Variants in RBFOX1 observed in about 807,000 individuals in gnomAD.
RBFOX1 encodes RNA binding fox-1 homolog 1, also known as RNA binding protein fox-1 homolog 1.
In RBFOX1, 8 loss-of-function variants were observed where a neutral mutation model predicts 57.7. That is an observed-to-expected ratio of 0.14 (90% CI 0.08 to 0.25). RBFOX1 has a LOEUF of 0.25. Ranked by LOEUF, RBFOX1 falls within the 10% of genes least tolerant of loss-of-function variation. The pLI is 1.00. For synonymous variants in RBFOX1, 326 were observed against 222.4 expected, an observed-to-expected ratio of 1.47 and a Z score of -4.15; for missense variants, 611 against 548.5, an observed-to-expected ratio of 1.11 and a Z score of -1.14.
At position 6,954,777 on chromosome 16, in the gene RBFOX1, T is replaced by G. The variant is rs989733301; in HGVS notation, c.-15-97280T>G. Among the ~76,000 whole-genome samples, 8 of 152,248 alleles carry G rather than the reference T, an allele frequency of 5.3e-5. No homozygotes were observed. In the South Asian group the frequency reaches 1.0e-3, roughly 20 times the overall value. On this transcript the variant is annotated intron_variant, in intron 3 of 15. Coordinates refer to ENST00000550418, the MANE Select transcript of RBFOX1 (RefSeq NM_018723.4). The stretch of plus-strand genomic sequence containing the variant: ...GAGGATCTTAAATCATCACCTGACT[T>G]GAGCACCCAGTTTGAAGGCAGGTAG...
intron 4 of RBFOX1, among the ~76,000 whole-genome samples, chr16:5,990,491 C>A (rs552675360): frequency 6.6e-6 from 1 of 152,196 alleles, no homozygotes; most frequent in South Asian, 2.1e-4. Context: ...TGACCTATTC[C>A]ATTTCTTTCT....
At chr16:7,083,765 G>A (rs1044286957) in intron 4 of RBFOX1, among the ~76,000 whole-genome samples, 1 of 151,544 alleles carries the variant, frequency 6.6e-6, no homozygotes, top group Non-Finnish European at 1.5e-5. Flanking sequence ...TGCCCAGAAG[G>A]CACCGTGCAT....
intron 4 of RBFOX1, among the ~76,000 whole-genome samples, chr16:7,194,825 G>A (rs1313937174): frequency 2.0e-5 from 3 of 151,966 alleles, no homozygotes; most frequent in East Asian, 1.9e-4. Flanking sequence ...CCACTAGGGA[G>A]GCTGAGGTGG....
At chr16:7,549,737 T>C (rs918738884) in intron 5 of RBFOX1, among the ~76,000 whole-genome samples, 14 of 152,130 alleles carry the variant, frequency 9.2e-5, no homozygotes, top group Non-Finnish European at 2.1e-4. Context: ...CCTGCCTTTA[T>C]TCTGGCCACG....
chr16:6,479,751 C>G (rs2095341552), intron 2 of RBFOX1, among the ~76,000 whole-genome samples: 1 of 151,862 alleles, frequency 6.6e-6, no homozygotes, highest in Non-Finnish European at 1.5e-5. Flanking sequence ...GAAAAAAGTT[C>G]ACCAATCACC....
At chr16:6,833,534 C>T (rs894760123) in intron 3 of RBFOX1, among the ~76,000 whole-genome samples, 5 of 152,134 alleles carry the variant, frequency 3.3e-5, no homozygotes, top group African/African-American at 1.2e-4. Context: ...GGAATGCCAG[C>T]CTGGCCAGCT....
chr16:6,560,547 A>G (rs1456504261), intron 2 of RBFOX1, among the ~76,000 whole-genome samples: 1 of 152,164 alleles, frequency 6.6e-6, no homozygotes, highest in Admixed American at 6.5e-5. Context: ...AGTGGAGCGG[A>G]AAATAGCAGG....
intron 3 of RBFOX1, among the ~76,000 whole-genome samples, chr16:6,656,171 C>T (rs1030235909): frequency 7.2e-5 from 11 of 152,168 alleles, no homozygotes; most frequent in African/African-American, 2.7e-4. Flanking sequence ...AGTCTTCTAC[C>T]AATGTTCTGC....
At chr16:5,915,162 C>G (rs996681790) in intron 4 of RBFOX1, among the ~76,000 whole-genome samples, 1 of 152,168 alleles carries the variant, frequency 6.6e-6, no homozygotes, top group African/African-American at 2.4e-5. Context: ...TTTGTCTCTT[C>G]TAGGTATCTA....
At chr16:5,596,172 G>A (rs1429444270) in intron 2 of RBFOX1, among the ~76,000 whole-genome samples, 1 of 152,148 alleles carries the variant, frequency 6.6e-6, no homozygotes, top group African/African-American at 2.4e-5. Flanking sequence ...CTCTGCAGGG[G>A]CAGCTGGATA....
intron 1 of RBFOX1, among the ~76,000 whole-genome samples, chr16:5,303,577 A>C (rs2063857852): frequency 6.6e-6 from 1 of 152,098 alleles, no homozygotes; most frequent in Admixed American, 6.5e-5. Flanking sequence ...AACTTCAGAC[A>C]TGCTTCTGAT....
intron 4 of RBFOX1, among the ~76,000 whole-genome samples, chr16:7,247,574 C>G (rs2094351752): frequency 1.3e-5 from 2 of 152,140 alleles, no homozygotes; most frequent in Admixed American, 1.3e-4. Flanking sequence ...TTTATGTTAA[C>G]AAAAGCTAAA....
chr16:6,408,205 C>T (rs141189883), intron 2 of RBFOX1, among the ~76,000 whole-genome samples: 2,061 of 152,164 alleles, frequency 0.014, 43 homozygotes, highest in African/African-American at 0.045. Context: ...ATTTTGTTAT[C>T]ACAGCTCAGG....
chr16:5,910,781 T>A (rs967521097), intron 4 of RBFOX1, among the ~76,000 whole-genome samples: 7 of 152,176 alleles, frequency 4.6e-5, no homozygotes, highest in Non-Finnish European at 8.8e-5. Flanking sequence ...TTGTTTGTTT[T>A]TGCCCATCTG....
chr16:6,920,668 C>G (rs1044905509), intron 3 of RBFOX1, among the ~76,000 whole-genome samples: 2 of 152,138 alleles, frequency 1.3e-5, no homozygotes, highest in South Asian at 4.1e-4. Flanking sequence ...TACCTCTTCC[C>G]TAGTTTCTTT....
intron 3 of RBFOX1, among the ~76,000 whole-genome samples, chr16:6,809,195 C>A (rs1204320851): frequency 6.6e-6 from 1 of 152,170 alleles, no homozygotes; most frequent in African/African-American, 2.4e-5. Flanking sequence ...TATGAATTTT[C>A]TTTCACCACC....
chr16:7,008,175 G>T (rs2093411643), intron 3 of RBFOX1, among the ~76,000 whole-genome samples: 1 of 152,152 alleles, frequency 6.6e-6, no homozygotes, highest in Non-Finnish European at 1.5e-5. Context: ...TGTTACCGAA[G>T]AAAATGTAAC....
intron 3 of RBFOX1, among the ~76,000 whole-genome samples, chr16:7,005,778 C>G (rs1406922715): frequency 6.6e-6 from 1 of 152,186 alleles, no homozygotes; most frequent in African/African-American, 2.4e-5. Flanking sequence ...TTGCCTAAAT[C>G]GCAAGATGAC....
At chr16:7,560,929 G>A (rs758138380) in intron 5 of RBFOX1, among the ~76,000 whole-genome samples, 7 of 152,122 alleles carry the variant, frequency 4.6e-5, no homozygotes, top group African/African-American at 1.4e-4. Flanking sequence ...CCGTCTGGCC[G>A]AATTATGTAT....
Sources: gnomAD v4.1 joint callset for allele counts (sites outside exome capture counted in the v4.1 genomes callset) on GRCh38, gnomAD v4.1.1 for gene constraint, MANE v1.5 for transcripts, NCBI Gene and HGNC (gene_info 2026-07-23, HGNC 2026-07-21) for gene names.